Variants in ARPP21 observed in about 807,000 individuals in gnomAD.
ARPP21 encodes cAMP-regulated phosphoprotein 21.
In ARPP21, 69 loss-of-function variants were observed where a neutral mutation model predicts 113.2. That is an observed-to-expected ratio of 0.61 (90% CI 0.50 to 0.74). The LOEUF (loss-of-function observed/expected upper bound fraction) is 0.74, where lower values mean the gene tolerates loss of function less well. ARPP21 is among the 30% of genes least tolerant of loss of function. The pLI is 0.00. For missense variants in ARPP21, 1,070 were observed against 1,037.4 expected, an observed-to-expected ratio of 1.03 and a Z score of -0.43; for synonymous variants, 368 against 375.5, an observed-to-expected ratio of 0.98 and a Z score of 0.23.
In ARPP21 at chr3:35,741,751, A is replaced by G. The variant is rs534612833; in HGVS notation, c.2011-2088A>G. ...ATTTCTGAGCTTTGGGGCTATTCTT[A>G]CTCCTTTCTCCCTTCACCTCTCTCC... On this transcript the variant is annotated intron_variant, in intron 18 of 20. Coordinates refer to ENST00000684406, the MANE Select transcript of ARPP21 (RefSeq NM_001385562.1). Among the ~76,000 whole-genome samples, 5 of 152,072 alleles carry G rather than the reference A, an allele frequency of 3.3e-5. No individual in the cohort carries two copies. In the East Asian group the frequency reaches 7.8e-4, roughly 24 times the overall value.
intron 9 of ARPP21, among the ~76,000 whole-genome samples, chr3:35,695,944 G>A (rs1439481016): frequency 6.6e-6 from 1 of 151,464 alleles, no homozygotes; most frequent in Non-Finnish European, 1.5e-5. Flanking sequence ...CACAGTGGCA[G>A]CAGGATGCTA....
chr3:35,729,163 G>A, intron 14 of ARPP21, 140 bp from the exon 15 acceptor site: 1 of 599,232 alleles, frequency 1.7e-6, no homozygotes, highest in Non-Finnish European at 3.0e-6. Context: ...TATGAGAGGG[G>A]CATTAGTTAA....
chr3:35,698,944 T>C (rs2149799969), intron 9 of ARPP21, among the ~76,000 whole-genome samples: 1 of 151,842 alleles, frequency 6.6e-6, no homozygotes, highest in African/African-American at 2.4e-5. Context: ...ACAAAACTGT[T>C]TCATGTTCTT....
At position 35,769,457 on chromosome 3, in the gene ARPP21, A is replaced by G. The variant is rs538384725; in HGVS notation, c.2138-22925A>G. 2.6e-5 allele frequency among the ~76,000 whole-genome samples: 4 copies of G among 152,264 alleles called. No individual in the cohort carries two copies. The East Asian group carries it at 7.7e-4, about 29-fold the overall frequency. On this transcript the variant is annotated intron_variant, in intron 19 of 20. Coordinates refer to ENST00000684406, the MANE Select transcript of ARPP21 (RefSeq NM_001385562.1). ...ATCTTAGCTTTGTGGTTCCAAAGGAAATAGGATCCTGAGTCTGCTATGCAG... is the reference window on the plus strand; with the variant it reads ...ATCTTAGCTTTGTGGTTCCAAAGGAGATAGGATCCTGAGTCTGCTATGCAG...
At chr3:35,771,477 C>T (rs1009160550) in intron 19 of ARPP21, among the ~76,000 whole-genome samples, 6 of 152,096 alleles carry the variant, frequency 3.9e-5, no homozygotes, top group African/African-American at 1.4e-4. Context: ...TACAGGCGCC[C>T]ATCATCATGC....
In ARPP21 at chr3:35,739,314, C is replaced by G; in HGVS notation, c.1750-3C>G. ...TTCCCTCATTTATTTCCATGACTTG[C>G]AGAGAGATGATGTGGCAACACAGTT... On this transcript the variant is annotated splice_region_variant and splice_polypyrimidine_tract_variant and intron_variant, in intron 17 of 20. Transcript: ENST00000684406. 6.2e-7 allele frequency: 1 copy of G among 1,612,678 alleles called. No homozygotes were observed. The highest frequency in any genetic ancestry group is 8.5e-7 in the Non-Finnish European group (1 of 1,179,204).
At chr3:35,684,356 T>A in intron 5 of ARPP21, 1 of 1,028,828 alleles carries the variant, frequency 9.7e-7, no homozygotes, top group Non-Finnish European at 1.2e-6. Flanking sequence ...TCTGAGCTGA[T>A]GGTGACTTTA....
At chr3:35,751,232 T>A (rs1285161793) in intron 19 of ARPP21, among the ~76,000 whole-genome samples, 2 of 152,190 alleles carry the variant, frequency 1.3e-5, no homozygotes, top group Non-Finnish European at 2.9e-5. Context: ...TCACCTCTGC[T>A]TTATAAAATC....
chr3:35,735,314 G>A (rs567358831), intron 15 of ARPP21, among the ~76,000 whole-genome samples: 24 of 151,852 alleles, frequency 1.6e-4, no homozygotes, highest in Admixed American at 3.9e-4. Context: ...AGTTTTGCCC[G>A]GTTGCCCAGG....
Position 35,667,948 on chromosome 3 carries a change from A to AAAGAAGAAG in ARPP21, c.-212-11763_-212-11755dup, listed in dbSNP as rs4025938. ...GAGGAGGAGGAGAAGGAGAAGAAGAAAAGAAGAAGAAGAAGAAGAAGAAGA... is the reference window on the plus strand; with the variant it reads ...GAGGAGGAGGAGAAGGAGAAGAAGAAAAGAAGAAGAAGAAGAAGAAGAAGAAGAAGAAGA... On this transcript the variant is annotated intron_variant, in intron 1 of 20. Coordinates refer to ENST00000684406, the MANE Select transcript of ARPP21 (RefSeq NM_001385562.1). Among the ~76,000 whole-genome samples the AAAGAAGAAG allele has an allele frequency of 1.1e-3, 64 of 58,064 alleles. 1 individual carries two copies. The highest frequency in any genetic ancestry group is 2.8e-3 in the Admixed American group (13 of 4,612). The allele number at this position is 58,064 out of a possible 152,430, so 38.1% of individuals were successfully genotyped here. A position where few individuals can be genotyped will look rare whatever the true frequency, so the allele number is the denominator to read the frequency against.
At chr3:35,788,625 G>C (rs2096680459) in intron 19 of ARPP21, among the ~76,000 whole-genome samples, 1 of 152,094 alleles carries the variant, frequency 6.6e-6, no homozygotes, top group Admixed American at 6.6e-5. Context: ...TATTTTGTCT[G>C]TCATTTCATT....
intron 1 of ARPP21, among the ~76,000 whole-genome samples, chr3:35,642,776 G>C (rs1248745892): frequency 6.6e-6 from 1 of 152,078 alleles, no homozygotes; most frequent in Non-Finnish European, 1.5e-5. Context: ...CTGAAGCTCT[G>C]CCTTGTGAAT....
rs572572576 is a variant in ARPP21 at position 35,723,786 on chromosome 3, G to T, written c.1225+1952G>T. 1.3e-3 allele frequency among the ~76,000 whole-genome samples: 198 copies of T among 152,314 alleles called. 3 individuals carry two copies. Among genetic ancestry groups the T allele is most frequent in the Non-Finnish European group, 1.6e-3 (106 of 68,032 alleles). On this transcript the variant is annotated intron_variant, in intron 14 of 20. Transcript: ENST00000684406. ...GTTCTTTGAAGAATGATTAGAGATT[G>T]TAAGTGCTTCAGAATTTTTTTTCTT...
At chr3:35,689,002 A>C (rs919067788) in intron 6 of ARPP21, among the ~76,000 whole-genome samples, 5 of 151,224 alleles carry the variant, frequency 3.3e-5, no homozygotes, top group African/African-American at 1.2e-4. Flanking sequence ...TGTTATTTAC[A>C]ATGCAGAATG....
chr3:35,732,783 G>C (rs1191984905), intron 15 of ARPP21, among the ~76,000 whole-genome samples: 2 of 152,180 alleles, frequency 1.3e-5, no homozygotes, highest in Non-Finnish European at 2.9e-5. Context: ...GAGCCTTTTA[G>C]AGCTGTTCTC....
At chr3:35,721,280 C>T (rs533267809) in intron 13 of ARPP21, among the ~76,000 whole-genome samples, 2 of 152,158 alleles carry the variant, frequency 1.3e-5, no homozygotes, top group African/African-American at 4.8e-5. Flanking sequence ...AGAAGTTATC[C>T]CCCTATTCTA....
chr3:35,715,474 C>T lies in ARPP21; in HGVS notation c.933C>T (p.Asn311=). Residue 311 remains asparagine, a splice_region_variant and synonymous_variant, in exon 12 of 21, where the codon AAC becomes AAT. Coordinates refer to ENST00000684406, the MANE Select transcript of ARPP21 (RefSeq NM_001385562.1). ...VCSQESLFVE[N]SRLLEDSNIC... ...CCCAGGAAAGCCTTTTTGTGGAAAA[C>T]AGGTAAAATAAAATTTACTTTTCCA... The T allele has an allele frequency of 6.2e-7, 1 of 1,611,718 alleles. No individual in the cohort carries two copies. Among genetic ancestry groups the T allele is most frequent in the African/African-American group, 1.3e-5 (1 of 74,892 alleles).
At chr3:35,722,628 T>C (rs1576308313) in intron 14 of ARPP21, among the ~76,000 whole-genome samples, 2 of 152,336 alleles carry the variant, frequency 1.3e-5, no homozygotes, top group Middle Eastern at 3.4e-3. Context: ...GTATGTTTTT[T>C]TCCAAGTGAA....
intron 19 of ARPP21, among the ~76,000 whole-genome samples, chr3:35,748,171 AAAG>A (rs1319914055): frequency 3.2e-5 from 4 of 124,438 alleles, no homozygotes; most frequent in Non-Finnish European, 6.6e-5. Context: ...ACAGAACAGA[AAAG>A]AAAAGAAAGA....
Sources: allele counts gnomAD v4.1 joint callset (sites outside exome capture counted in the v4.1 genomes callset), GRCh38; gene constraint gnomAD v4.1.1; transcripts MANE v1.5; gene names NCBI Gene and HGNC (gene_info 2026-07-23, HGNC 2026-07-21).